DUSP10: variants seen among roughly 807,000 people sequenced by gnomAD.
DUSP10 encodes the protein dual specificity protein phosphatase 10.
Under a neutral mutation model 30.8 loss-of-function variants are expected in DUSP10, and 14 were observed. The ratio of observed to expected loss-of-function variants is 0.46; its 90% confidence interval spans 0.30 to 0.71. The LOEUF is 0.71. DUSP10 is among the 30% of genes least tolerant of loss of function. The probability of loss-of-function intolerance (pLI) is 0.08; values close to 1 mark genes in which losing one functional copy is unlikely to be tolerated. For synonymous variants in DUSP10, 254 were observed against 250.4 expected (o/e 1.01, Z -0.14); for missense variants, 550 against 619.4 (o/e 0.89, Z 1.19).
chr1:221,729,030 C>A (rs1661502242), intron 2 of DUSP10, among the ~76,000 whole-genome samples: 1 of 152,180 alleles, frequency 6.6e-6, no homozygotes, highest in Admixed American at 6.5e-5. Context: ...AGTGCCTGAA[C>A]CTCTCCGAGT....
At chr1:221,733,217 T>C (rs1661668078) in intron 2 of DUSP10, among the ~76,000 whole-genome samples, 1 of 152,172 alleles carries the variant, frequency 6.6e-6, no homozygotes, top group African/African-American at 2.4e-5. Flanking sequence ...ACGGAAAGTT[T>C]TTCTGCTCCT....
chr1:221,714,539 G>C (rs1040702681), intron 2 of DUSP10, among the ~76,000 whole-genome samples: 14 of 152,108 alleles, frequency 9.2e-5, no homozygotes. Context: ...AATAAGATTA[G>C]GGTGGGGTGA....
At chr1:221,717,455 A>AG (rs1661138328) in intron 2 of DUSP10, among the ~76,000 whole-genome samples, 1 of 118,482 alleles carries the variant, frequency 8.4e-6, no homozygotes, top group African/African-American at 3.3e-5. Flanking sequence ...AGGGGAAAAG[A>AG]AACAGAGAGA....
At chr1:221,740,573 T>C (rs1661923772) in intron 1 of DUSP10, among the ~76,000 whole-genome samples, 1 of 152,156 alleles carries the variant, frequency 6.6e-6, no homozygotes, top group South Asian at 2.1e-4. Flanking sequence ...CCCTTTGCTC[T>C]CTCACCTGCC....
rs910086844 is a variant in DUSP10 at position 221,737,301 on chromosome 1, T to C, written c.811+1633A>G. The C allele has an allele frequency of 7.1e-6, 7 of 985,286 alleles. No homozygotes were observed. The South Asian group carries it at 1.4e-4, about 20-fold the overall frequency. The allele number at this position is 985,286 out of a possible 1,614,324, so 61.0% of individuals were successfully genotyped here. A position where few individuals can be genotyped will look rare whatever the true frequency, so the allele number is the denominator to read the frequency against. ...GTGAGAAAAGAGGAGATCATCATGA[T>C]CATTGGCTATCCTCCTCTTTGCTCC... is the stretch of plus-strand genomic sequence containing the variant. On this transcript the variant is annotated intron_variant, in intron 2 of 3. Coordinates refer to ENST00000366899, the MANE Select transcript of DUSP10 (RefSeq NM_007207.6).
chr1:221,736,929 C>T (rs1478637557), intron 2 of DUSP10: 43 of 985,310 alleles, frequency 4.4e-5, no homozygotes, highest in Non-Finnish European at 4.9e-5. Context: ...CTGCCCAGGG[C>T]GCCCAGTGGT....
Position 221,702,791 on chromosome 1 carries a change from A to C in DUSP10, c.1184-114T>G. The C allele has an allele frequency of 8.7e-7, 1 of 1,146,542 alleles. No homozygotes were observed. The highest frequency in any genetic ancestry group is 1.2e-6 in the Non-Finnish European group (1 of 824,268). 71.0% of individuals were successfully genotyped at this position (1,146,542 alleles called of 1,614,324 possible). A position where few individuals can be genotyped will look rare whatever the true frequency, so the allele number is the denominator to read the frequency against. On this transcript the variant is annotated intron_variant, in intron 3 of 3. Coordinates refer to ENST00000366899, the MANE Select transcript of DUSP10 (RefSeq NM_007207.6). The surrounding 1 kb of genome is among the most constrained non-coding windows in gnomAD (Gnocchi z 4.5). ...TTATTTTGTATAGAAATAATGAATT[A>C]AAACAGTTTTAAAGCCAAGTATAAT... is the stretch of plus-strand genomic sequence containing the variant.
intron 2 of DUSP10, among the ~76,000 whole-genome samples, chr1:221,734,298 C>G (rs1037324136): frequency 3.3e-5 from 5 of 152,234 alleles, no homozygotes; most frequent in African/African-American, 1.2e-4. Context: ...ATTACTCCAG[C>G]CTCCTGGCCC....
At chr1:221,720,861 C>T (rs138357458) in intron 2 of DUSP10, among the ~76,000 whole-genome samples, 2 of 152,304 alleles carry the variant, frequency 1.3e-5, no homozygotes, top group African/African-American at 4.8e-5. Context: ...TTAAGAGTTT[C>T]ATTGTCTTCA....
At chr1:221,736,819 C>A (rs568672892) in intron 2 of DUSP10, 156 of 985,306 alleles carry the variant, frequency 1.6e-4, no homozygotes, top group Non-Finnish European at 1.3e-4. Flanking sequence ...AAGAAAAGGC[C>A]CCCAAAACTA....
chr1:221,729,886 G>C (rs1661532356), intron 2 of DUSP10, among the ~76,000 whole-genome samples: 1 of 152,158 alleles, frequency 6.6e-6, no homozygotes, highest in African/African-American at 2.4e-5. Flanking sequence ...TCTCTTCAGG[G>C]AAGGCCCTCT....
At chr1:221,719,336 G>T (rs1054584604) in intron 2 of DUSP10, among the ~76,000 whole-genome samples, 2 of 152,166 alleles carry the variant, frequency 1.3e-5, no homozygotes, top group African/African-American at 2.4e-5. Context: ...GAAAGAAAAG[G>T]CATGGGCTTT....
chr1:221,716,905 C>T (rs1661122749), intron 2 of DUSP10, among the ~76,000 whole-genome samples: 1 of 152,196 alleles, frequency 6.6e-6, no homozygotes, highest in Non-Finnish European at 1.5e-5. Context: ...ACATTTTTCA[C>T]TGTTATAATC....
rs762845278 is a variant in DUSP10 at position 221,739,456 on chromosome 1, T to C, written c.289A>G (p.Ile97Val). 4 of 1,614,062 alleles carry C rather than the reference T, an allele frequency of 2.5e-6. No homozygotes were observed. The highest frequency in any genetic ancestry group is 1.3e-5 in the African/African-American group (1 of 74,908). ...GCAGTGGTGGTGGTGCCAGCGGCAA[T>C]GGCTTGGGTTTGGGCCTGATTGTCC... is the stretch of plus-strand genomic sequence containing the variant. ...DKDNQAQTQA[I>V]AAGTTTTAIG... Residue 97 changes from isoleucine to valine, a missense_variant, in exon 2 of 4, where the codon ATT becomes GTT. By Grantham distance (29) the Ile-to-Val change is conservative. Transcript: ENST00000366899.
rs1255645936 is a variant in DUSP10 at position 221,706,673 on chromosome 1, C to T, written c.812-207G>A. On this transcript the variant is annotated intron_variant, in intron 2 of 3. Coordinates refer to ENST00000366899, the MANE Select transcript of DUSP10 (RefSeq NM_007207.6). The surrounding 1 kb of genome is among the most constrained non-coding windows in gnomAD (Gnocchi z 4.6). ...CCATTTGGAGACCCAAGACAAGCTTCGGGGAGTATCACTGCATGGAACACT... is the reference window on the plus strand; with the variant it reads ...CCATTTGGAGACCCAAGACAAGCTTTGGGGAGTATCACTGCATGGAACACT... 2.0e-5 allele frequency among the ~76,000 whole-genome samples: 3 copies of T among 152,132 alleles called. No individual in the cohort carries two copies. The highest frequency in any genetic ancestry group is 4.4e-5 in the Non-Finnish European group (3 of 68,018).
intron 2 of DUSP10, among the ~76,000 whole-genome samples, chr1:221,731,247 T>G (rs868802544): frequency 1.8e-4 from 28 of 152,168 alleles, no homozygotes; most frequent in African/African-American, 6.3e-4. Flanking sequence ...CTTATACTGG[T>G]TTTTAATTGT....
chr1:221,711,825 G>GGT (rs1558118112), intron 2 of DUSP10: 8 of 152,358 alleles, frequency 5.3e-5, no homozygotes, highest in Non-Finnish European at 1.0e-4. Flanking sequence ...ACCAGGAACA[G>GGT]ATGGATGCTA....
At chr1:221,705,960 G>T in intron 3 of DUSP10, 135 bp downstream of exon 3, 1 of 1,210,616 alleles carries the variant, frequency 8.3e-7, no homozygotes, top group Non-Finnish European at 1.2e-6. Flanking sequence ...GGCTGTTTCA[G>T]GTGGCAGAGC....
At chr1:221,737,417 G>T in intron 2 of DUSP10, 7 of 985,236 alleles carry the variant, frequency 7.1e-6, no homozygotes, top group Non-Finnish European at 8.4e-6. Context: ...TAAGACAATA[G>T]CAGGGTAAAT....
Sources: gnomAD v4.1 joint callset for allele counts (sites outside exome capture counted in the v4.1 genomes callset) on GRCh38, gnomAD v4.1.1 for gene constraint, Gnocchi (gnomAD v3.1) non-coding constraint, MANE v1.5 for transcripts, NCBI Gene and HGNC (gene_info 2026-07-23, HGNC 2026-07-21) for gene names.